NRG1: variants seen among roughly 807,000 people sequenced by gnomAD.
NRG1 encodes pro-neuregulin-1, membrane-bound isoform.
A neutral mutation model predicts 63.8 loss-of-function variants in NRG1; 18 were observed. The ratio of observed to expected loss-of-function variants is 0.28; its 90% CI spans 0.19 to 0.42. The LOEUF is 0.42. Among genes scored for constraint, NRG1 ranks in the 10% least tolerant of loss-of-function variants. NRG1 has a pLI of 1.00. For synonymous variants in NRG1, 302 were observed against 301.3 expected, an observed-to-expected ratio of 1.00 and a Z score of -0.02; for missense variants, 762 against 814.7, an observed-to-expected ratio of 0.94 and a Z score of 0.79.
chr8:31,644,809 C>T (rs1804136147), intron 1 of NRG1, among the ~76,000 whole-genome samples: 1 of 151,508 alleles, frequency 6.6e-6, no homozygotes, highest in Non-Finnish European at 1.5e-5. Flanking sequence ...CCAAAGATCT[C>T]TAAATCCTCA....
At chr8:32,661,597 A>C (rs1054778346) in intron 5 of NRG1, among the ~76,000 whole-genome samples, 4 of 152,098 alleles carry the variant, frequency 2.6e-5, no homozygotes, top group Non-Finnish European at 5.9e-5. Flanking sequence ...GCTGGTCTAA[A>C]AAACAGGAAT....
At chr8:32,715,844 A>G (rs1189381873) in intron 5 of NRG1, among the ~76,000 whole-genome samples, 2 of 152,110 alleles carry the variant, frequency 1.3e-5, no homozygotes, top group African/African-American at 4.8e-5. Context: ...GGGTTTTGCA[A>G]TATTGGTCAG....
At chr8:32,350,866 C>T (rs931042753) in intron 1 of NRG1, among the ~76,000 whole-genome samples, 1 of 152,150 alleles carries the variant, frequency 6.6e-6, no homozygotes, top group Non-Finnish European at 1.5e-5. Context: ...GTAATCACCA[C>T]GTCTGTCCAG....
At chr8:32,453,510 A>G (rs941710222) in intron 1 of NRG1, among the ~76,000 whole-genome samples, 3 of 152,200 alleles carry the variant, frequency 2.0e-5, no homozygotes, top group Non-Finnish European at 4.4e-5. Flanking sequence ...AATCAACAGG[A>G]GAAGAGCAAA....
At chr8:32,155,404 C>G (rs145468868) in intron 1 of NRG1, among the ~76,000 whole-genome samples, 1 of 152,298 alleles carries the variant, frequency 6.6e-6, no homozygotes, top group Non-Finnish European at 1.5e-5. Context: ...TGCCATAAAT[C>G]TCATTTTTTT....
At chr8:32,578,334 G>A (rs1021987710) in intron 1 of NRG1, among the ~76,000 whole-genome samples, 1 of 152,096 alleles carries the variant, frequency 6.6e-6, no homozygotes, top group African/African-American at 2.4e-5. Context: ...ATAATACTAA[G>A]GTTGTCTCTT....
At chr8:32,357,122 A>T (rs1018468306) in intron 1 of NRG1, among the ~76,000 whole-genome samples, 1 of 152,150 alleles carries the variant, frequency 6.6e-6, no homozygotes, top group African/African-American at 2.4e-5. Context: ...CATGAGGTTG[A>T]GGTTGATGGT....
intron 1 of NRG1, among the ~76,000 whole-genome samples, chr8:32,172,881 G>A (rs1585827239): frequency 6.6e-6 from 1 of 152,236 alleles, no homozygotes; most frequent in Admixed American, 6.5e-5. Context: ...AACTGAAAGT[G>A]ATGGGGAGAA....
At chr8:32,396,009 G>A (rs1335345037) in intron 1 of NRG1, among the ~76,000 whole-genome samples, 1 of 152,040 alleles carries the variant, frequency 6.6e-6, no homozygotes, top group African/African-American at 2.4e-5. Context: ...AGTTACCTTT[G>A]CTGCTTTGTT....
At chr8:32,235,230 CAAAAAAAAAAAAAAAAAA>C in intron 1 of NRG1, among the ~76,000 whole-genome samples, 2 of 88,294 alleles carry the variant, frequency 2.3e-5, no homozygotes, top group East Asian at 8.0e-4. Flanking sequence ...CTAATCTCTA[CAAAAAAAAAAAAAAAAAA>C]AAAAAAAAAA....
At chr8:31,757,348 C>T (rs900493718) in intron 1 of NRG1, among the ~76,000 whole-genome samples, 1 of 152,066 alleles carries the variant, frequency 6.6e-6, no homozygotes, top group Admixed American at 6.6e-5. Flanking sequence ...TCTTGGCTTT[C>T]ACAAATCTCA....
intron 5 of NRG1, among the ~76,000 whole-genome samples, chr8:32,666,414 T>C (rs1374854532): frequency 6.6e-6 from 1 of 152,126 alleles, no homozygotes; most frequent in Non-Finnish European, 1.5e-5. Flanking sequence ...ATGAAAAGAT[T>C]CCATTTAGAT....
intron 1 of NRG1, among the ~76,000 whole-genome samples, chr8:32,346,417 G>A (rs1231575702): frequency 1.3e-5 from 2 of 151,068 alleles, no homozygotes; most frequent in Admixed American, 6.6e-5. Context: ...GTTATTTAGG[G>A]GTCCAGAAAT....
At chr8:31,701,443 T>G (rs1810621076) in intron 1 of NRG1, among the ~76,000 whole-genome samples, 2 of 152,180 alleles carry the variant, frequency 1.3e-5, no homozygotes, top group Non-Finnish European at 2.9e-5. Context: ...CCGAACTTAA[T>G]TCTTTGTTTG....
At chr8:32,411,724 G>A (rs773253730) in intron 1 of NRG1, among the ~76,000 whole-genome samples, 1 of 152,160 alleles carries the variant, frequency 6.6e-6, no homozygotes, top group African/African-American at 2.4e-5. Flanking sequence ...AAAAGTCAAA[G>A]AGCATACTGA....
rs994590716 is a variant in NRG1, at chr8:32,203,582, G to A, written c.38-392246G>A. Among the ~76,000 whole-genome samples the A allele has an allele frequency of 5.3e-5, 8 of 151,954 alleles. No individual in the cohort carries two copies. In the South Asian group the frequency reaches 6.3e-4, roughly 12 times the overall value. ...TCACCGGGTTGGCCAGGCTGGTCTC[G>A]AACTCCTGACCTCAAGTGATCCACC... On this transcript the variant is annotated intron_variant, in intron 1 of 10. Transcript: ENST00000519301.
chr8:32,736,462 C>CAG (rs989429003), intron 6 of NRG1, among the ~76,000 whole-genome samples: 1 of 152,174 alleles, frequency 6.6e-6, no homozygotes, highest in East Asian at 1.9e-4. Context: ...CGAGTTTACA[C>CAG]AGAGAGAGAG....
intron 1 of NRG1, among the ~76,000 whole-genome samples, chr8:31,755,562 C>G (rs1472990355): frequency 6.6e-6 from 1 of 152,090 alleles, no homozygotes. Context: ...TTTCTTGAAC[C>G]TCACTGTGTT....
At chr8:32,592,014 C>A (rs1179695863) in intron 1 of NRG1, among the ~76,000 whole-genome samples, 1 of 151,456 alleles carries the variant, frequency 6.6e-6, no homozygotes, top group Non-Finnish European at 1.5e-5. Flanking sequence ...CACATACACA[C>A]GTGCGTATTT....
Sources: allele counts gnomAD v4.1 joint callset (sites outside exome capture counted in the v4.1 genomes callset), GRCh38; gene constraint gnomAD v4.1.1; transcripts MANE v1.5; gene names NCBI Gene and HGNC (gene_info 2026-07-23, HGNC 2026-07-21).